ZNF254: variants seen among roughly 807,000 people sequenced by gnomAD.
The protein encoded by ZNF254 is zinc finger protein 254, also known as CTD-2017D11.1.
In ZNF254, 10 loss-of-function variants were observed where a neutral mutation model predicts 12.4. The observed-to-expected ratio is 0.80, with a 90% CI of 0.50 to 1.36. The LOEUF (loss-of-function observed/expected upper bound fraction) is 1.36, where lower values mean the gene tolerates loss of function less well. Ranked by LOEUF, ZNF254 falls within the 40% of genes most tolerant of loss-of-function variation. ZNF254 has a pLI of 0.00. For missense variants in ZNF254, 996 were observed against 763.9 expected (o/e 1.30, Z -3.58); for synonymous variants, 305 against 253.4 (o/e 1.20, Z -1.93).
chr19:24,116,167 A>G (rs533169496), intron 3 of ZNF254, among the ~76,000 whole-genome samples: 283 of 152,148 alleles, frequency 1.9e-3, no homozygotes, highest in Non-Finnish European at 2.8e-3. Flanking sequence ...TATGACAATT[A>G]TGTGTCTTGG....
At chr19:24,121,392 A>G (rs1320858718) in intron 3 of ZNF254, among the ~76,000 whole-genome samples, 1 of 152,120 alleles carries the variant, frequency 6.6e-6, no homozygotes, top group Non-Finnish European at 1.5e-5. Flanking sequence ...GCCACCATAC[A>G]TCTGATATTT....
intron 3 of ZNF254, among the ~76,000 whole-genome samples, chr19:24,118,200 C>G (rs963872834): frequency 2.0e-5 from 3 of 151,688 alleles, no homozygotes; most frequent in Non-Finnish European, 4.4e-5. Context: ...ATTACAGGCA[C>G]GTGCCACCAC....
intron 2 of ZNF254, among the ~76,000 whole-genome samples, chr19:24,081,281 A>G (rs1339941155): frequency 6.6e-6 from 1 of 152,100 alleles, no homozygotes; most frequent in African/African-American, 2.4e-5. Context: ...CGGATGCCTC[A>G]GGGAAGTCGT....
intron 2 of ZNF254, 43 bp from the exon 3 acceptor site, chr19:24,106,505 G>C (rs760652791): frequency 3.3e-6 from 5 of 1,493,882 alleles, no homozygotes; most frequent in Admixed American, 1.7e-5. Flanking sequence ...TTGGTAATTG[G>C]AGAATATAAG....
At chr19:24,057,775 G>A (rs1970916032) in intron 2 of ZNF254, among the ~76,000 whole-genome samples, 1 of 152,228 alleles carries the variant, frequency 6.6e-6, no homozygotes, top group Non-Finnish European at 1.5e-5. Flanking sequence ...AGGTGAAACA[G>A]CCAGTAAGAG....
In ZNF254 at chr19:24,074,703, G is replaced by A. The variant is rs546909669; in HGVS notation, c.-94+28424G>A. Among the ~76,000 whole-genome samples the A allele has an allele frequency of 9.5e-4, 144 of 152,254 alleles. 1 individual carries two copies. Among genetic ancestry groups the A allele is most frequent in the African/African-American group, 3.4e-3 (140 of 41,550 alleles). On this transcript the variant is annotated intron_variant, in intron 2 of 4. Transcript: ENST00000613065. ...GCCTGTCCACAGTGAGGATTGTGAT[G>A]TATCACTTGGCCCAGCACTTATGTG...
chr19:24,054,929 G>A (rs1350655004), intron 2 of ZNF254, among the ~76,000 whole-genome samples: 1 of 152,026 alleles, frequency 6.6e-6, no homozygotes. Flanking sequence ...TACTAACCAG[G>A]CGCAGTGGCT....
At chr19:24,034,948 A>G (rs1341087524) in intron 1 of ZNF254, among the ~76,000 whole-genome samples, 2 of 150,430 alleles carry the variant, frequency 1.3e-5, no homozygotes, top group Non-Finnish European at 3.0e-5. Flanking sequence ...CATGCGCAGC[A>G]TGAAGTTACT....
chr19:24,035,458 C>T (rs1198973008), intron 1 of ZNF254, among the ~76,000 whole-genome samples: 3 of 152,168 alleles, frequency 2.0e-5, no homozygotes, highest in African/African-American at 2.4e-5. Context: ...CCACCACACC[C>T]GGCCAAGTCA....
chr19:24,088,324 C>T (rs1027904278), intron 1 of ZNF254, among the ~76,000 whole-genome samples: 8 of 151,782 alleles, frequency 5.3e-5, no homozygotes, highest in Non-Finnish European at 7.4e-5. Flanking sequence ...AGTAATTTAC[C>T]AAAAAATGCT....
At chr19:24,037,313 C>T (rs1196060974) in intron 1 of ZNF254, among the ~76,000 whole-genome samples, 1 of 152,184 alleles carries the variant, frequency 6.6e-6, no homozygotes, top group Non-Finnish European at 1.5e-5. Flanking sequence ...GATTATAGCC[C>T]TAGACCTGGC....
At chr19:24,076,132 T>C (rs1971649443) in intron 2 of ZNF254, among the ~76,000 whole-genome samples, 1 of 152,148 alleles carries the variant, frequency 6.6e-6, no homozygotes, top group Admixed American at 6.6e-5. Context: ...GTGACATACG[T>C]CCTCAGTTTA....
Position 24,098,585 on chromosome 19 carries a change from G to A in ZNF254, c.31-7355G>A, listed in dbSNP as rs1347523392. 3.9e-5 allele frequency: 6 copies of A among 152,142 alleles called. No individual in the cohort carries two copies. The East Asian group carries it at 7.7e-4, about 20-fold the overall frequency. 9.4% of individuals were successfully genotyped at this position (152,142 alleles called of 1,614,324 possible). On this transcript the variant is annotated intron_variant, in intron 1 of 3. Transcript: ENST00000357002. ...TGTTACTCATGCTGAGAGTAGCTAT[G>A]CACTTTGGGTATTTAGAGAGAAATT... is the stretch of plus-strand genomic sequence containing the variant.
chr19:24,048,116 T>C (rs1346912197), intron 2 of ZNF254, among the ~76,000 whole-genome samples: 2 of 146,076 alleles, frequency 1.4e-5, no homozygotes, highest in African/African-American at 5.2e-5. Flanking sequence ...GCTCCACACG[T>C]GGCCTGCAGG....
intron 1 of ZNF254, among the ~76,000 whole-genome samples, chr19:24,035,155 G>GT (rs1293242737): frequency 1.3e-5 from 2 of 151,882 alleles, no homozygotes; most frequent in Non-Finnish European, 2.9e-5. Flanking sequence ...AGTCAGCCTG[G>GT]TTTTTTTGTT....
chr19:24,074,978 C>A (rs1971607741), intron 2 of ZNF254, among the ~76,000 whole-genome samples: 1 of 152,182 alleles, frequency 6.6e-6, no homozygotes, highest in Admixed American at 6.5e-5. Flanking sequence ...GGGCTCTGCC[C>A]AAAATATGAC....
intron 2 of ZNF254, among the ~76,000 whole-genome samples, chr19:24,062,096 AAAAAAAG>A (rs1304172896): frequency 4.5e-5 from 6 of 133,752 alleles, no homozygotes; most frequent in Non-Finnish European, 6.2e-5. Context: ...ACAAAAAAAA[AAAAAAAG>A]AAAAAGAAAA....
intron 1 of ZNF254, among the ~76,000 whole-genome samples, chr19:24,042,638 G>A (rs897699111): frequency 6.6e-6 from 1 of 152,122 alleles, no homozygotes; most frequent in East Asian, 1.9e-4. Context: ...CACTCACTGC[G>A]AGGGTCCGCG....
intron 1 of ZNF254, among the ~76,000 whole-genome samples, chr19:24,092,302 G>A (rs1354531632): frequency 6.6e-6 from 1 of 151,780 alleles, no homozygotes; most frequent in Non-Finnish European, 1.5e-5. Flanking sequence ...GAATAGCTGG[G>A]ATTACAGGCA....
Sources: allele counts gnomAD v4.1 joint callset (sites outside exome capture counted in the v4.1 genomes callset), GRCh38; gene constraint gnomAD v4.1.1; transcripts MANE v1.5; gene names NCBI Gene and HGNC (gene_info 2026-07-23, HGNC 2026-07-21).